PCCB: variants seen among roughly 807,000 people sequenced by gnomAD.
PCCB encodes propionyl-CoA carboxylase subunit beta.
A neutral mutation model predicts 60.7 loss-of-function variants in PCCB; 43 were observed. The ratio of observed to expected loss-of-function variants is 0.71; its 90% confidence interval spans 0.55 to 0.91. The LOEUF (loss-of-function observed/expected upper bound fraction) is 0.91, where lower values mean the gene tolerates loss of function less well. Among genes scored for constraint, PCCB ranks in the 40% least tolerant of loss-of-function variants. The pLI is 0.00. For missense variants in PCCB, 766 were observed against 702.8 expected, an observed-to-expected ratio of 1.09 and a Z score of -1.02; for synonymous variants, 276 against 255.9, an observed-to-expected ratio of 1.08 and a Z score of -0.75.
intron 9 of PCCB, among the ~76,000 whole-genome samples, chr3:136,302,503 C>CT (rs1934327448): frequency 2.5e-5 from 3 of 120,134 alleles, no homozygotes; most frequent in Admixed American, 2.0e-4. Flanking sequence ...ATTAAATACT[C>CT]TTGTTTGTAA....
At chr3:136,286,418 C>T (rs1933407218) in intron 6 of PCCB, among the ~76,000 whole-genome samples, 1 of 152,176 alleles carries the variant, frequency 6.6e-6, no homozygotes, top group Non-Finnish European at 1.5e-5. Flanking sequence ...TCCATTTGGA[C>T]TTTAATGGGT....
At chr3:136,285,088 CAAAAAA>C (rs61543332) in intron 6 of PCCB, among the ~76,000 whole-genome samples, 4 of 107,142 alleles carry the variant, frequency 3.7e-5, no homozygotes, top group Admixed American at 9.5e-5. Context: ...GACCCTGCCT[CAAAAAA>C]AAAAAAAAAA....
intron 6 of PCCB, among the ~76,000 whole-genome samples, chr3:136,287,515 C>CT (rs898523549): frequency 6.6e-5 from 10 of 151,988 alleles, no homozygotes; most frequent in African/African-American, 2.4e-4. Flanking sequence ...TCACTGGAAC[C>CT]TTTGCCTCCT....
At chr3:136,265,219 T>C (rs534958929) in intron 5 of PCCB, among the ~76,000 whole-genome samples, 142 of 152,148 alleles carry the variant, frequency 9.3e-4, no homozygotes, top group African/African-American at 3.0e-3. Context: ...TTTATTGAGA[T>C]ATAATTTACA....
chr3:136,262,156 G>C lies in PCCB; in HGVS notation c.543+91G>C, dbSNP rs553807383. ...CAGAGCTTCTCCAACTCTCCTCATT[G>C]TTCTCTGCCGCATTGTGTCTGTTCT... On this transcript the variant is annotated intron_variant, in intron 5 of 14. Transcript: ENST00000251654. 1.6e-4 allele frequency: 132 copies of C among 810,124 alleles called. 2 individuals are homozygous for C. The South Asian group carries it at 1.8e-3, about 11-fold the overall frequency. The allele number at this position is 810,124 out of a possible 1,614,324, so 50.2% of individuals were successfully genotyped here. A position where few individuals can be genotyped will look rare whatever the true frequency, so the allele number is the denominator to read the frequency against.
At chr3:136,293,663 TCTC>T in intron 6 of PCCB, 90 bp from the exon 7 acceptor site, 1 of 830,896 alleles carries the variant, frequency 1.2e-6, no homozygotes, top group Non-Finnish European at 2.1e-6. Flanking sequence ...GTCACTATCT[TCTC>T]TGCATTTGTC....
At position 136,262,177 on chromosome 3, in the gene PCCB, G is replaced by C. The variant is rs139855319; in HGVS notation, c.543+112G>C. On this transcript the variant is annotated intron_variant, in intron 5 of 14. Transcript: ENST00000251654. Reference sequence around the variant, plus strand: ...CATTGTTCTCTGCCGCATTGTGTCTGTTCTGTGGGTCCTTTCTGTGTCACT... The same window carrying C: ...CATTGTTCTCTGCCGCATTGTGTCTCTTCTGTGGGTCCTTTCTGTGTCACT... The C allele has an allele frequency of 4.2e-3, 3,144 of 739,826 alleles. 11 individuals carry two copies. Among genetic ancestry groups the C allele is most frequent in the Non-Finnish European group, 6.3e-3 (2,626 of 416,486 alleles). The allele number at this position is 739,826 out of a possible 1,614,324, so 45.8% of individuals were successfully genotyped here. A position where few individuals can be genotyped will look rare whatever the true frequency, so the allele number is the denominator to read the frequency against.
At chr3:136,255,763 A>G in intron 1 of PCCB, 93 bp from the exon 2 acceptor site, 2 of 1,101,002 alleles carry the variant, frequency 1.8e-6, no homozygotes, top group Non-Finnish European at 2.8e-6. Context: ...TCAACGGGCA[A>G]ATCTGCCCTT....
chr3:136,327,065 C>A lies in PCCB; in HGVS notation c.1199-90C>A, dbSNP rs755909016. The A allele has an allele frequency of 1.8e-5, 23 of 1,305,384 alleles. 1 individual carries two copies. In the South Asian group the frequency reaches 2.7e-4, roughly 15 times the overall value. The allele number at this position is 1,305,384 out of a possible 1,614,324, so 80.9% of individuals were successfully genotyped here. A position where few individuals can be genotyped will look rare whatever the true frequency, so the allele number is the denominator to read the frequency against. On this transcript the variant is annotated intron_variant, in intron 11 of 14. Coordinates refer to ENST00000251654, the MANE Select transcript of PCCB (RefSeq NM_000532.5). ...ATAGGGCTGTGTAAGGAATGGCCCTCTCCAGAGGTGGGAAAGACCTCACAG... is the reference window on the plus strand; with the variant it reads ...ATAGGGCTGTGTAAGGAATGGCCCTATCCAGAGGTGGGAAAGACCTCACAG...
At chr3:136,261,556 A>G (rs557555604) in intron 4 of PCCB, among the ~76,000 whole-genome samples, 5 of 148,036 alleles carry the variant, frequency 3.4e-5, no homozygotes, top group Admixed American at 2.7e-4. Context: ...AGATTAACAG[A>G]TGGGTCAACA....
rs186283764 is a variant in PCCB, at chr3:136,275,626, C to T, written c.544-8211C>T. Reference sequence around the variant, plus strand: ...TTTTTTTAAGTTTCTTTTTCCTCTTCACTAAGGATGTGACTTTAGTGTTTA... The same window carrying T: ...TTTTTTTAAGTTTCTTTTTCCTCTTTACTAAGGATGTGACTTTAGTGTTTA... On this transcript the variant is annotated intron_variant, in intron 5 of 14. Transcript: ENST00000251654. Among the ~76,000 whole-genome samples the T allele has an allele frequency of 2.0e-3, 309 of 152,068 alleles. 3 individuals carry two copies. The highest frequency in any genetic ancestry group is 7.2e-3 in the African/African-American group (297 of 41,486).
At chr3:136,318,599 C>G (rs1935000009) in intron 10 of PCCB, among the ~76,000 whole-genome samples, 1 of 152,072 alleles carries the variant, frequency 6.6e-6, no homozygotes, top group Admixed American at 6.6e-5. Context: ...TCTACTTTCT[C>G]TCTCTATGAA....
At position 136,250,510 on chromosome 3, in the gene PCCB, C is replaced by A. The variant is rs1576397628; in HGVS notation, c.135C>A (p.Thr45=). The A allele has an allele frequency of 6.2e-7, 1 of 1,612,986 alleles. No individual in the cohort carries two copies. The highest frequency in any genetic ancestry group is 8.5e-7 in the Non-Finnish European group (1 of 1,179,722). The change falls in exon 1 of 15, where the codon ACC becomes ACA. Residue 45 remains threonine (T), a synonymous_variant. Coordinates refer to ENST00000251654, the MANE Select transcript of PCCB (RefSeq NM_000532.5). ...AACGCATCGAAAACAAGCGCCGGACCGCGCTGCTGGGAGGGGGCCAACGCC... is the reference window on the plus strand; with the variant it reads ...AACGCATCGAAAACAAGCGCCGGACAGCGCTGCTGGGAGGGGGCCAACGCC... ...VNERIENKRR[T]ALLGGGQRRI...
intron 10 of PCCB, chr3:136,326,493 C>T: frequency 1.5e-6 from 1 of 668,814 alleles, no homozygotes; most frequent in South Asian, 1.7e-5. Context: ...AAGACCAGCC[C>T]TTGAATGCTG....
chr3:136,288,030 A>G (rs573376491), intron 6 of PCCB, among the ~76,000 whole-genome samples: 7 of 152,124 alleles, frequency 4.6e-5, no homozygotes, highest in Non-Finnish European at 1.0e-4. Context: ...ACTTACATTA[A>G]CATAGTTTAA....
rs778146041 is a variant in PCCB at position 136,326,797 on chromosome 3, T to C, written c.1091-6T>C. The C allele has an allele frequency of 1.0e-5, 16 of 1,572,056 alleles. No individual in the cohort carries two copies. In the Admixed American group the frequency reaches 1.5e-4, roughly 15 times the overall value. Reference sequence around the variant, plus strand: ...TACTCAGTATGGATAATCTCTCTCTTTCTAGGATGCTTGGATATTAATTCA... The same window carrying C: ...TACTCAGTATGGATAATCTCTCTCTCTCTAGGATGCTTGGATATTAATTCA... On this transcript the variant is annotated splice_region_variant and splice_polypyrimidine_tract_variant and intron_variant, in intron 10 of 14. Transcript: ENST00000251654.
chr3:136,309,597 G>A (rs1333833500), intron 9 of PCCB, among the ~76,000 whole-genome samples: 1 of 151,452 alleles, frequency 6.6e-6, no homozygotes, highest in Non-Finnish European at 1.5e-5. Flanking sequence ...GCCAGGAGTT[G>A]AAGACCAACC....
rs764644376 is a variant in PCCB at position 136,330,021 on chromosome 3, T to C, written c.1615T>C (p.Leu539=). 1.2e-6 allele frequency: 2 copies of C among 1,614,132 alleles called. No homozygotes were observed. Among genetic ancestry groups the C allele is most frequent in the Non-Finnish European group, 1.7e-6 (2 of 1,179,986 alleles). ...RPWRKHANIP[L] ...TTGGAGAAAACATGCAAATATTCCA[T>C]TGTAAACAAATCAAAGGAAAAGAAA... is the stretch of plus-strand genomic sequence containing the variant. Residue 539 remains leucine (L), a synonymous_variant, in exon 15 of 15, where the codon TTG becomes CTG. Transcript: ENST00000251654.
intron 12 of PCCB, among the ~76,000 whole-genome samples, 159 bp downstream of exon 12, chr3:136,327,414 C>T (rs1935362523): frequency 6.6e-6 from 1 of 152,204 alleles, no homozygotes; most frequent in Non-Finnish European, 1.5e-5. Flanking sequence ...GCAGAAATGT[C>T]TGTGCTTTTT....
Sources: gnomAD v4.1 joint callset for allele counts (sites outside exome capture counted in the v4.1 genomes callset) on GRCh38, gnomAD v4.1.1 for gene constraint, MANE v1.5 for transcripts, NCBI Gene and HGNC (gene_info 2026-07-23, HGNC 2026-07-21) for gene names.